Variants in ABCC2 observed in about 807,000 individuals in gnomAD.
ABCC2 encodes the protein ATP-binding cassette sub-family C member 2.
Under a neutral mutation model 173.4 loss-of-function variants are expected in ABCC2, and 157 were observed. That is an observed-to-expected ratio of 0.91 (90% confidence interval 0.80 to 1.03). The LOEUF is 1.03. Ranked by LOEUF, ABCC2 falls within the 50% of genes least tolerant of loss-of-function variation. The pLI is 0.00. For synonymous variants in ABCC2, 657 were observed against 693.5 expected (o/e 0.95, Z 0.83); for missense variants, 1,822 against 1,852.3 (o/e 0.98, Z 0.30).
rs566512552 is a variant in ABCC2 at position 99,830,706 on chromosome 10, C to G, written c.2748-10C>G. ...TTGCCTGCATGCTCAGGGAAGCTTC[C>G]CTCTCTCAGTTCTAGGTCCAATGGC... On this transcript the variant is annotated splice_polypyrimidine_tract_variant and intron_variant, in intron 20 of 31. Transcript: ENST00000647814. The G allele has an allele frequency of 2.5e-6, 4 of 1,614,034 alleles. No homozygotes were observed. The South Asian group carries it at 4.4e-5, about 18-fold the overall frequency.
At chr10:99,845,518 A>G (rs2133148994) in intron 28 of ABCC2, 106 bp from the exon 29 acceptor site, 1 of 1,378,792 alleles carries the variant, frequency 7.3e-7, no homozygotes, top group Non-Finnish European at 1.0e-6. Flanking sequence ...GAGATGGAGT[A>G]GCCAGTCACT....
At chr10:99,815,797 A>G (rs566811573) in intron 16 of ABCC2, among the ~76,000 whole-genome samples, 216 of 152,324 alleles carry the variant, frequency 1.4e-3, no homozygotes, top group African/African-American at 4.7e-3. Context: ...TCATTTCCTG[A>G]TTTAGCAATC....
At chr10:99,806,863 T>A (rs1195180040) in intron 11 of ABCC2, among the ~76,000 whole-genome samples, 3 of 152,226 alleles carry the variant, frequency 2.0e-5, no homozygotes, top group African/African-American at 7.2e-5. Flanking sequence ...GAGCCCCCTT[T>A]TAACTCCTTG....
intron 8 of ABCC2, 92 bp from the exon 9 acceptor site, chr10:99,800,294 G>A: frequency 2.2e-6 from 3 of 1,351,172 alleles, no homozygotes; most frequent in Middle Eastern, 1.8e-4. Context: ...TACCTACAGT[G>A]TAAAGATAGT....
At chr10:99,850,124 A>G (rs1168932972) in intron 30 of ABCC2, among the ~76,000 whole-genome samples, 1 of 152,216 alleles carries the variant, frequency 6.6e-6, no homozygotes, top group Non-Finnish European at 1.5e-5. Flanking sequence ...GGCCACAAAG[A>G]AATGCCACTG....
chr10:99,849,621 C>A (rs2039062085), intron 30 of ABCC2, among the ~76,000 whole-genome samples: 1 of 152,194 alleles, frequency 6.6e-6, no homozygotes, highest in Non-Finnish European at 1.5e-5. Context: ...CAGCAACAGT[C>A]TGTTACTCTA....
chr10:99,844,264 A>G, intron 27 of ABCC2, 58 bp from the exon 28 acceptor site: 22 of 1,607,126 alleles, frequency 1.4e-5, no homozygotes, highest in South Asian at 2.2e-5. Flanking sequence ...TCCTGGGTGG[A>G]CTGTTCGGCT....
At chr10:99,845,409 C>T (rs1304108859) in intron 28 of ABCC2, among the ~76,000 whole-genome samples, 1 of 152,170 alleles carries the variant, frequency 6.6e-6, no homozygotes, top group Non-Finnish European at 1.5e-5. Context: ...CCATTTCAAA[C>T]AGTGACTATA....
chr10:99,809,818 C>T (rs2038178171), intron 13 of ABCC2, among the ~76,000 whole-genome samples: 1 of 152,186 alleles, frequency 6.6e-6, no homozygotes, highest in African/African-American at 2.4e-5. Flanking sequence ...TAAGAGAAAG[C>T]CAGGGGCCTA....
At chr10:99,800,266 A>G in intron 8 of ABCC2, 120 bp from the exon 9 acceptor site, 1 of 1,083,244 alleles carries the variant, frequency 9.2e-7, no homozygotes, top group Non-Finnish European at 1.4e-6. Flanking sequence ...GGCTTTGGAC[A>G]ATTCTGGTCA....
intron 17 of ABCC2, among the ~76,000 whole-genome samples, chr10:99,818,222 C>A (rs1243722890): frequency 2.0e-4 from 29 of 144,356 alleles, no homozygotes; most frequent in South Asian, 6.6e-4. Flanking sequence ...GACTCCATCT[C>A]AAAAAAAAAA....
intron 19 of ABCC2, 144 bp from the exon 20 acceptor site, chr10:99,830,163 A>G: frequency 1.1e-6 from 1 of 872,690 alleles, no homozygotes; most frequent in Non-Finnish European, 1.9e-6. Flanking sequence ...TGGAGTATTT[A>G]TGGAGTAAAG....
intron 25 of ABCC2, among the ~76,000 whole-genome samples, chr10:99,841,706 G>A (rs767149088): frequency 3.3e-5 from 5 of 152,142 alleles, no homozygotes; most frequent in Non-Finnish European, 5.9e-5. Flanking sequence ...ATGATTTGGC[G>A]AGTTTGGTAG....
Position 99,844,323 on chromosome 10 carries a change from C to T in ABCC2, c.3845C>T (p.Ala1282Val). 6 of 1,614,186 alleles carry T rather than the reference C, an allele frequency of 3.7e-6. No homozygotes were observed. Among genetic ancestry groups the T allele is most frequent in the Non-Finnish European group, 5.1e-6 (6 of 1,180,044 alleles). ...ITEYTKVENE[A>V]PWVTDKRPPP... ...CTTCTCATCTTGTCTCCTTGCCAGG[C>T]ACCCTGGGTGACTGATAAGAGGCCT... Residue 1282 changes from alanine to valine, a missense_variant and splice_region_variant, in exon 28 of 32, where the codon GCA becomes GTA. Coordinates refer to ENST00000647814, the MANE Select transcript of ABCC2 (RefSeq NM_000392.5).
rs557494144 is a variant in ABCC2, at chr10:99,843,854, T to C, written c.3797T>C (p.Ile1266Thr). Residue 1266 changes from isoleucine (I) to threonine (T), a missense_variant, in exon 27 of 32, where the codon ATT becomes ACT. Ile to Thr is a moderately conservative substitution (Grantham distance 89). Transcript: ENST00000647814. ...VRMTSEIETN[I>T]VAVERITEYT... ...ATGACATCAGAAATAGAGACCAACA[T>C]TGTGGCTGTTGAGCGAATAACTGAG... 9.3e-6 allele frequency: 15 copies of C among 1,614,158 alleles called. No individual in the cohort carries two copies. In the South Asian group the frequency reaches 9.9e-5, roughly 11 times the overall value.
rs570324866 is a variant in ABCC2 at position 99,814,205 on chromosome 10, A to G, written c.2094+1061A>G. ...TATGTATACACACATGTGTATATAT[A>G]CACACATGTGTATATATACACACAT... On this transcript the variant is annotated intron_variant, in intron 16 of 31. Transcript: ENST00000647814. 4.5e-4 allele frequency among the ~76,000 whole-genome samples: 36 copies of G among 79,848 alleles called. 6 individuals are homozygous for G. The highest frequency in any genetic ancestry group is 3.1e-3 in the Admixed American group (26 of 8,502). The allele number at this position is 79,848 out of a possible 152,430, so 52.4% of individuals were successfully genotyped here. A position where few individuals can be genotyped will look rare whatever the true frequency, so the allele number is the denominator to read the frequency against.
At chr10:99,825,651 C>T (rs2038625043) in intron 19 of ABCC2, among the ~76,000 whole-genome samples, 1 of 152,234 alleles carries the variant, frequency 6.6e-6, no homozygotes, top group African/African-American at 2.4e-5. Flanking sequence ...CCTTTATAGT[C>T]TGAATCAACC....
chr10:99,803,701 C>T (rs950777409), intron 9 of ABCC2, among the ~76,000 whole-genome samples: 1 of 152,004 alleles, frequency 6.6e-6, no homozygotes, highest in African/African-American at 2.4e-5. Context: ...GAATATCTAA[C>T]CCCAACTTGG....
Position 99,814,592 on chromosome 10 carries a change from T to C in ABCC2, c.2094+1448T>C, listed in dbSNP as rs1435825898. Among the ~76,000 whole-genome samples the C allele has an allele frequency of 2.2e-5, 2 of 90,870 alleles. 1 individual carries two copies. Among genetic ancestry groups the C allele is most frequent in the African/African-American group, 8.1e-5 (2 of 24,758 alleles). The allele number at this position is 90,870 out of a possible 152,430, so 59.6% of individuals were successfully genotyped here. ...ACACACACATATGTGTATATACACA[T>C]ATACACACACATATGTGTATATACA... On this transcript the variant is annotated intron_variant, in intron 16 of 31. Transcript: ENST00000647814.
Sources: allele counts gnomAD v4.1 joint callset (sites outside exome capture counted in the v4.1 genomes callset), GRCh38; gene constraint gnomAD v4.1.1; transcripts MANE v1.5; gene names NCBI Gene and HGNC (gene_info 2026-07-23, HGNC 2026-07-21).